Variants in PCDHGB2 observed in about 807,000 individuals in gnomAD.
PCDHGB2 encodes protocadherin gamma-B2.
PCDHGB2 carries 55 observed loss-of-function variants against 59.3 expected under a neutral mutation model. The observed-to-expected ratio is 0.93, with a 90% CI of 0.75 to 1.16. The LOEUF is 1.16. PCDHGB2 is among the 50% of genes most tolerant of loss of function. The probability of loss-of-function intolerance (pLI) is 0.00; values close to 1 mark genes in which losing one functional copy is unlikely to be tolerated. For synonymous variants in PCDHGB2, 516 were observed against 512.0 expected, an observed-to-expected ratio of 1.01 and a Z score of -0.11; for missense variants, 1,228 against 1,198.5, an observed-to-expected ratio of 1.02 and a Z score of -0.36.
chr5:141,395,081 A>G (rs749375075), intron 1 of PCDHGB2: 3 of 1,614,156 alleles, frequency 1.9e-6, no homozygotes, highest in South Asian at 1.1e-5. Context: ...ATTCCCAGGA[A>G]GTCTCCCTCA....
chr5:141,494,173 G>C (rs554811420), intron 1 of PCDHGB2, among the ~76,000 whole-genome samples: 2 of 152,304 alleles, frequency 1.3e-5, no homozygotes, highest in South Asian at 2.1e-4. Flanking sequence ...CTAGGGGTGA[G>C]AAGTGTCCCG....
chr5:141,428,025 G>C, intron 1 of PCDHGB2: 1 of 1,606,426 alleles, frequency 6.2e-7, no homozygotes, highest in Non-Finnish European at 8.5e-7. Flanking sequence ...ACGCGCCGCA[G>C]AGTCCGGCTA....
chr5:141,438,811 G>T (rs2098067148), intron 1 of PCDHGB2, among the ~76,000 whole-genome samples: 1 of 149,790 alleles, frequency 6.7e-6, no homozygotes, highest in East Asian at 2.0e-4. Context: ...ACAGGCGCCT[G>T]TCACCATGCC....
At chr5:141,395,092 C>CT (rs2093168204) in intron 1 of PCDHGB2, 4 of 1,614,088 alleles carry the variant, frequency 2.5e-6, no homozygotes, top group Non-Finnish European at 3.4e-6. Context: ...GTCTCCCTCA[C>CT]CGCCGACTCG....
rs781367282 is a variant in PCDHGB2 at position 141,485,525 on chromosome 5, C to G, written c.2422-9282C>G. On this transcript the variant is annotated intron_variant, in intron 1 of 3. Transcript: ENST00000522605. This position sits in a 1 kb window ranked among gnomAD's most constrained non-coding sequence, Gnocchi z 5.7. ...CACCGAAGGTCCTTTGGAAATGTAC[C>G]GAGCAGAGGTAGAGATCGTAGATGT... is the stretch of plus-strand genomic sequence containing the variant. 5 of 1,614,122 alleles carry G rather than the reference C, an allele frequency of 3.1e-6. No homozygotes were observed. The highest frequency in any genetic ancestry group is 2.5e-6 in the Non-Finnish European group (3 of 1,180,022).
At chr5:141,460,453 A>G (rs1487816393) in intron 1 of PCDHGB2, among the ~76,000 whole-genome samples, 1 of 152,152 alleles carries the variant, frequency 6.6e-6, no homozygotes, top group Non-Finnish European at 1.5e-5. Flanking sequence ...ATGAAGATTC[A>G]TATTTTTTTC....
chr5:141,457,676 A>G (rs1380484149), intron 1 of PCDHGB2, among the ~76,000 whole-genome samples: 2 of 152,240 alleles, frequency 1.3e-5, no homozygotes, highest in East Asian at 3.8e-4. Flanking sequence ...TTATTTCTAC[A>G]TAGGACTTTT....
intron 1 of PCDHGB2, chr5:141,413,625 C>T (rs372855865): frequency 1.2e-6 from 2 of 1,613,854 alleles, no homozygotes; most frequent in Admixed American, 3.3e-5. Context: ...ATGAAAATGT[C>T]GCTGCGGGAA....
At chr5:141,378,173 C>A (rs1774684442) in intron 1 of PCDHGB2, 1 of 152,194 alleles carries the variant, frequency 6.6e-6, no homozygotes. Flanking sequence ...AATAACTAAG[C>A]ACCGATGCTG....
intron 1 of PCDHGB2, chr5:141,422,820 G>A (rs904706749): frequency 6.2e-6 from 10 of 1,614,178 alleles, no homozygotes; most frequent in Non-Finnish European, 7.6e-6. Flanking sequence ...ACTTAGAACT[G>A]AGAGTGATAG....
At chr5:141,393,867 T>G in intron 1 of PCDHGB2, 1 of 1,614,000 alleles carries the variant, frequency 6.2e-7, no homozygotes. Context: ...CATTACGTCT[T>G]TGTTTAGCCC....
chr5:141,398,472 C>T (rs2093659150), intron 1 of PCDHGB2: 1 of 1,606,348 alleles, frequency 6.2e-7, no homozygotes, highest in Non-Finnish European at 8.5e-7. Context: ...ATCCACTGAA[C>T]TTTTATCACG....
In PCDHGB2 at chr5:141,361,658, G is replaced by T; in HGVS notation, c.1523G>T (p.Ser508Ile). The T allele has an allele frequency of 6.2e-7, 1 of 1,613,762 alleles. No individual in the cohort carries two copies. Among genetic ancestry groups the T allele is most frequent in the African/African-American group, 1.3e-5 (1 of 75,080 alleles). The change falls in exon 1 of 4, where the codon AGC becomes ATC. Residue 508 changes from serine to isoleucine, a missense_variant. Ser to Ile is a moderately radical substitution (Grantham distance 142, BLOSUM62 -2). Coordinates refer to ENST00000522605, the MANE Select transcript of PCDHGB2 (RefSeq NM_018923.3). ...GAGATTTTATCCTACGTGTCCGTGA[G>T]CGCGCAGAGCGGGGTGGTGTTCGCG... ...PREILSYVSV[S>I]AQSGVVFAQR...
intron 1 of PCDHGB2, chr5:141,376,614 T>C: frequency 6.9e-7 from 1 of 1,446,670 alleles, no homozygotes; most frequent in African/African-American, 1.4e-5. Flanking sequence ...CGAACCTCTT[T>C]TGGTACAGGA....
rs2090286148 is a variant in PCDHGB2 at position 141,385,565 on chromosome 5, C to T, written c.2421+23009C>T. ...GGACTATCACATTTTATAATTTCCA[C>T]CTACTTTCCAATCTATGTTCCAACC... On this transcript the variant is annotated intron_variant, in intron 1 of 3. Transcript: ENST00000522605. 2.3e-6 allele frequency: 3 copies of T among 1,302,312 alleles called. No homozygotes were observed. In the African/African-American group the frequency reaches 4.6e-5, roughly 20 times the overall value. 80.7% of individuals were successfully genotyped at this position (1,302,312 alleles called of 1,614,324 possible). A position where few individuals can be genotyped will look rare whatever the true frequency, so the allele number is the denominator to read the frequency against.
At chr5:141,400,498 A>G (rs1181845890) in intron 1 of PCDHGB2, 2 of 1,614,034 alleles carry the variant, frequency 1.2e-6, no homozygotes, top group Non-Finnish European at 1.7e-6. Flanking sequence ...TTGTAATTCC[A>G]GCGAGTCGAC....
chr5:141,375,624 T>G, intron 1 of PCDHGB2: 5 of 1,614,224 alleles, frequency 3.1e-6, no homozygotes, highest in Non-Finnish European at 3.4e-6. Flanking sequence ...ACTGGGATTC[T>G]GTACGCCCTG....
In PCDHGB2 at chr5:141,511,116, G is replaced by A. The variant is rs2099883616; in HGVS notation, c.2739G>A (p.Lys913=). Residue 913 remains lysine, a synonymous_variant, in exon 4 of 4, where the codon AAG becomes AAA. Transcript: ENST00000522605. The stretch of plus-strand genomic sequence containing the variant: ...ACGCAGCTGGCAAGCGGGATGGCAA[G>A]GCCCCAGCAGGTGGCAATGGCAACA... ...LTNAAGKRDG[K]APAGGNGNKK... The A allele has an allele frequency of 1.9e-6, 3 of 1,614,234 alleles. No individual in the cohort carries two copies. The highest frequency in any genetic ancestry group is 2.5e-6 in the Non-Finnish European group (3 of 1,180,026).
intron 2 of PCDHGB2, among the ~76,000 whole-genome samples, chr5:141,497,721 G>A (rs2099778948): frequency 6.6e-6 from 1 of 152,006 alleles, no homozygotes; most frequent in African/African-American, 2.4e-5. Flanking sequence ...TGTATTTTTA[G>A]TAGAGATGGG....
Sources: gnomAD v4.1 joint callset for allele counts (sites outside exome capture counted in the v4.1 genomes callset) on GRCh38, gnomAD v4.1.1 for gene constraint, Gnocchi (gnomAD v3.1) non-coding constraint, MANE v1.5 for transcripts, NCBI Gene and HGNC (gene_info 2026-07-23, HGNC 2026-07-21) for gene names.